EXOSC4: variants seen among roughly 807,000 people sequenced by gnomAD.
EXOSC4 encodes exosome component 4.
A neutral mutation model predicts 20.0 loss-of-function variants in EXOSC4; 14 were observed. That is an observed-to-expected ratio of 0.70 (90% CI 0.46 to 1.09). EXOSC4 has a LOEUF of 1.09. EXOSC4 is among the 50% of genes least tolerant of loss of function. The pLI, the probability that EXOSC4 is intolerant of heterozygous loss-of-function variation, is 0.00. For synonymous variants in EXOSC4, 148 were observed against 146.4 expected (o/e 1.01, Z -0.08); for missense variants, 337 against 334.0 (o/e 1.01, Z -0.07).
At chr8:144,072,151 C>T in the EXOSC4 span, among the ~76,000 whole-genome samples, 151 of 152,226 alleles carry the variant, frequency 9.9e-4, no homozygotes, top group Admixed American at 5.2e-3. Context: ...GTCCTCACCT[C>T]AAGCTATTTT....
At chr8:144,078,448 T>C (rs1440085798), upstream of EXOSC4, 1 of 307,194 alleles carries the variant, frequency 3.3e-6, no homozygotes, top group African/African-American at 2.2e-5. This position sits in a 1 kb window ranked among gnomAD's most constrained non-coding sequence, Gnocchi z 4.7. Context: ...GCCGCCGCAG[T>C]TCCCCGGAGA....
upstream of EXOSC4, among the ~76,000 whole-genome samples, chr8:144,075,822 T>G (rs1835831640): frequency 6.6e-6 from 1 of 152,276 alleles, no homozygotes; most frequent in African/African-American, 2.4e-5. Flanking sequence ...TTGTAGTATT[T>G]GACAACTTTT....
At chr8:144,065,374 C>T in the EXOSC4 span, among the ~76,000 whole-genome samples, 1 of 152,074 alleles carries the variant, frequency 6.6e-6, no homozygotes, top group South Asian at 2.1e-4. Flanking sequence ...GGCAGTGCCC[C>T]TGAGACTAGT....
rs1462676804 is a variant in EXOSC4, at chr8:144,079,947, G to A, written c.176G>A (p.Arg59Gln). 44 of 1,613,830 alleles carry A rather than the reference G, an allele frequency of 2.7e-5. No individual in the cohort carries two copies. Among genetic ancestry groups the A allele is most frequent in the Non-Finnish European group, 3.6e-5 (43 of 1,179,986 alleles). Residue 59 changes from arginine to glutamine, a missense_variant, in exon 2 of 3, where the codon CGG (arginine) becomes CAG (glutamine). Physicochemically the swap from Arg to Gln is conservative, Grantham distance 43. Transcript: ENST00000316052. ...LAVVYGPHEIRGSRARALPDR... is the reference protein window; with the variant it reads ...LAVVYGPHEIQGSRARALPDR... ...CATGTGTCTGTCCTCTTCCAGATCC[G>A]GGGCTCCCGGGCTCGAGCCCTGCCG...
upstream of EXOSC4, among the ~76,000 whole-genome samples, chr8:144,075,966 C>G (rs1358123665): frequency 6.6e-6 from 1 of 152,194 alleles, no homozygotes; most frequent in Non-Finnish European, 1.5e-5. Flanking sequence ...TCTTCACAGG[C>G]AAGTTTGAAG....
the EXOSC4 span, among the ~76,000 whole-genome samples, chr8:144,064,250 A>T: frequency 2.6e-5 from 4 of 152,288 alleles, no homozygotes; most frequent in Admixed American, 2.6e-4. Context: ...GGGGGAAGGG[A>T]TATGGGATGC....
chr8:144,079,088 T>C (rs1835868968), intron 1 of EXOSC4, 189 bp downstream of exon 1: 1 of 593,130 alleles, frequency 1.7e-6, no homozygotes, highest in Non-Finnish European at 2.6e-6. Context: ...CCTGCCTTTC[T>C]CATCGGCCTC....
At chr8:144,074,172 A>G (rs1377869028), upstream of EXOSC4, among the ~76,000 whole-genome samples, 1 of 152,208 alleles carries the variant, frequency 6.6e-6, no homozygotes, top group Non-Finnish European at 1.5e-5. Flanking sequence ...AGAGTCATAT[A>G]TTTCGTAAAA....
At chr8:144,066,434 C>A in the EXOSC4 span, among the ~76,000 whole-genome samples, 12 of 134,018 alleles carry the variant, frequency 9.0e-5, no homozygotes, top group South Asian at 2.3e-3. Flanking sequence ...TAGAGTTTTT[C>A]TCTTTTTTTT....
the EXOSC4 span, among the ~76,000 whole-genome samples, chr8:144,066,436 CTTTTTTTTTTTTTT>C: frequency 1.5e-3 from 143 of 98,068 alleles, no homozygotes; most frequent in African/African-American, 6.6e-3. Context: ...GAGTTTTTCT[CTTTTTTTTTTTTTT>C]TTTTTTTTTG....
At chr8:144,069,391 T>C in the EXOSC4 span, among the ~76,000 whole-genome samples, 1 of 152,256 alleles carries the variant, frequency 6.6e-6, no homozygotes, top group African/African-American at 2.4e-5. Context: ...TGGTTCCTTC[T>C]GGAGGTTCCA....
chr8:144,080,514 T>C lies in EXOSC4; in HGVS notation c.651T>C (p.Ala217=). Residue 217 remains alanine, a synonymous_variant, in exon 3 of 3, where the codon GCT becomes GCC. Transcript: ENST00000316052. The surrounding 1 kb of genome is among the most constrained non-coding windows in gnomAD (Gnocchi z 4.9). ...EDHLERVLEA[A]AQAARDVHTL... is the part of the protein sequence containing the mutation. Reference sequence around the variant, plus strand: ...ACCTGGAGCGGGTGTTGGAGGCTGCTGCCCAGGCTGCCCGAGATGTGCACA... The same window carrying C: ...ACCTGGAGCGGGTGTTGGAGGCTGCCGCCCAGGCTGCCCGAGATGTGCACA... 1 of 1,604,302 alleles carries C rather than the reference T, an allele frequency of 6.2e-7. No homozygotes were observed. Among genetic ancestry groups the C allele is most frequent in the Non-Finnish European group, 8.5e-7 (1 of 1,179,966 alleles).
chr8:144,065,396 C>G, the EXOSC4 span, among the ~76,000 whole-genome samples: 16 of 152,062 alleles, frequency 1.1e-4, no homozygotes, highest in African/African-American at 3.9e-4. Flanking sequence ...CTCCAGGAGA[C>G]TGGGGGCAAC....
At chr8:144,068,808 G>A in the EXOSC4 span, among the ~76,000 whole-genome samples, 506 of 152,310 alleles carry the variant, frequency 3.3e-3, 3 homozygotes, top group African/African-American at 0.012. Flanking sequence ...GCAAGGCAGA[G>A]GCACCACATA....
At chr8:144,068,443 G>T in the EXOSC4 span, among the ~76,000 whole-genome samples, 1 of 152,154 alleles carries the variant, frequency 6.6e-6, no homozygotes, top group African/African-American at 2.4e-5. Flanking sequence ...AGACGAACAC[G>T]CTGCCCTGGC....
the EXOSC4 span, among the ~76,000 whole-genome samples, chr8:144,073,517 C>T: frequency 1.3e-5 from 2 of 152,076 alleles, no homozygotes; most frequent in African/African-American, 4.8e-5. Context: ...CACCTCTATC[C>T]CAAGCTTTCG....
At chr8:144,079,546 G>A (rs937148341) in intron 1 of EXOSC4, 4 of 366,744 alleles carry the variant, frequency 1.1e-5, no homozygotes, top group Non-Finnish European at 2.1e-5. Context: ...TGGGGAAAGA[G>A]GGGATAACTC....
At chr8:144,074,717 T>C (rs1835821067), upstream of EXOSC4, among the ~76,000 whole-genome samples, 1 of 152,138 alleles carries the variant, frequency 6.6e-6, no homozygotes, top group Non-Finnish European at 1.5e-5. Context: ...ACTACAGGCG[T>C]GTGCCACCAT....
the EXOSC4 span, among the ~76,000 whole-genome samples, chr8:144,072,816 C>T: frequency 6.6e-6 from 1 of 152,206 alleles, no homozygotes; most frequent in Admixed American, 6.6e-5. Flanking sequence ...GGGATGAATC[C>T]ATATCTTGCC....
Sources: gnomAD v4.1 joint callset for allele counts (sites outside exome capture counted in the v4.1 genomes callset) on GRCh38, gnomAD v4.1.1 for gene constraint, Gnocchi (gnomAD v3.1) non-coding constraint, MANE v1.5 for transcripts, NCBI Gene and HGNC (gene_info 2026-07-23, HGNC 2026-07-21) for gene names.